Variants in CERS6 observed in about 807,000 individuals in gnomAD.
CERS6 encodes the protein ceramide synthase 6.
CERS6 carries 26 observed loss-of-function variants against 56.8 expected under a neutral mutation model. The observed-to-expected ratio is 0.46, with a 90% CI of 0.34 to 0.63. CERS6 has a LOEUF of 0.63. Among genes scored for constraint, CERS6 ranks in the 30% least tolerant of loss-of-function variants. The pLI, the probability that CERS6 is intolerant of heterozygous loss-of-function variation, is 0.01. For missense variants in CERS6, 415 were observed against 467.5 expected (o/e 0.89, Z 1.04); for synonymous variants, 164 against 173.3 (o/e 0.95, Z 0.42).
At chr2:168,540,252 G>A (rs1695343089) in intron 1 of CERS6, among the ~76,000 whole-genome samples, 1 of 151,904 alleles carries the variant, frequency 6.6e-6, no homozygotes, top group South Asian at 2.1e-4. Flanking sequence ...ATATACAATA[G>A]TGGTCCTATA....
At chr2:168,568,523 T>C (rs984655934) in intron 3 of CERS6, among the ~76,000 whole-genome samples, 3 of 152,228 alleles carry the variant, frequency 2.0e-5, no homozygotes, top group Non-Finnish European at 4.4e-5. Context: ...GGGGAAAGAC[T>C]TCAAAGCATA....
intron 2 of CERS6, among the ~76,000 whole-genome samples, chr2:168,560,709 T>C (rs4667582): frequency 0.4 from 60,855 of 152,124 alleles, 14,800 homozygotes; most frequent in Non-Finnish European, 0.55. Context: ...TGAGGCACTT[T>C]AGGATTTTTT....
intron 4 of CERS6, among the ~76,000 whole-genome samples, chr2:168,670,691 T>C (rs556184433): frequency 1.3e-5 from 2 of 152,316 alleles, no homozygotes; most frequent in South Asian, 4.1e-4. Context: ...ACTACTTCAG[T>C]GATGCCTTCC....
Position 168,741,947 on chromosome 2 carries a change from G to A in CERS6, c.846-23645G>A, listed in dbSNP as rs576150835. ...ATTCATTTCAAAAAATGAGCATGTC[G>A]CTGGCAGCTCCATGGTCATTGAGGT... On this transcript the variant is annotated intron_variant, in intron 8 of 9. Transcript: ENST00000305747. Among the ~76,000 whole-genome samples, 17 of 152,270 alleles carry A rather than the reference G, an allele frequency of 1.1e-4. 1 individual carries two copies. In the South Asian group the frequency reaches 3.1e-3, roughly 28 times the overall value.
chr2:168,477,796 G>T (rs926800238), intron 1 of CERS6, among the ~76,000 whole-genome samples: 2 of 152,178 alleles, frequency 1.3e-5, no homozygotes, highest in Non-Finnish European at 2.9e-5. Flanking sequence ...ACTTGCAAAC[G>T]CTTGCCAATT....
At position 168,769,717 on chromosome 2, in the gene CERS6, T is replaced by A; in HGVS notation, c.*55T>A. 6.4e-7 allele frequency: 1 copy of A among 1,565,808 alleles called. No homozygotes were observed. The highest frequency in any genetic ancestry group is 8.7e-7 in the Non-Finnish European group (1 of 1,151,712). On this transcript the variant is annotated 3_prime_UTR_variant, in exon 10 of 10. Coordinates refer to ENST00000305747, the MANE Select transcript of CERS6 (RefSeq NM_203463.3). ...TGAACTATTTGTTCCTGGAAGTATT[T>A]AATAAGTTGCAAATGCAGTTCCTTT...
chr2:168,731,525 GTATGC>G (rs969478671), intron 8 of CERS6, among the ~76,000 whole-genome samples: 2 of 151,920 alleles, frequency 1.3e-5, no homozygotes, highest in Non-Finnish European at 2.9e-5. Flanking sequence ...TTTATCTTTT[GTATGC>G]TACTGAAGGG....
chr2:168,508,566 A>G (rs750448303), intron 1 of CERS6, among the ~76,000 whole-genome samples: 1 of 152,194 alleles, frequency 6.6e-6, no homozygotes, highest in African/African-American at 2.4e-5. Flanking sequence ...CTATAGGGAC[A>G]TGGATGAAGC....
intron 4 of CERS6, among the ~76,000 whole-genome samples, chr2:168,688,226 G>A (rs1686405196): frequency 6.6e-6 from 1 of 151,986 alleles, no homozygotes; most frequent in Non-Finnish European, 1.5e-5. Flanking sequence ...ATCTTTTTAA[G>A]TTCTTAATTA....
At chr2:168,566,401 T>C (rs982833338) in intron 3 of CERS6, among the ~76,000 whole-genome samples, 21 of 152,336 alleles carry the variant, frequency 1.4e-4, no homozygotes, top group African/African-American at 4.6e-4. Context: ...TGTATGCTTC[T>C]GTATAGTGGC....
At position 168,561,305 on chromosome 2, in the gene CERS6, G is replaced by T. The variant is rs372372722; in HGVS notation, c.390G>T (p.Thr130=). 5 of 1,614,098 alleles carry T rather than the reference G, an allele frequency of 3.1e-6. No homozygotes were observed. The highest frequency in any genetic ancestry group is 4.2e-6 in the Non-Finnish European group (5 of 1,179,978). ...ATCAGGAGAAGCCAAGCACGCTGAC[G>T]AGGTTCTGTGAGAGCATGTAAGTTG... ...RRNQEKPSTL[T]RFCESMWRFS... is the part of the protein sequence containing the mutation. Residue 130 remains threonine (T), a synonymous_variant, in exon 3 of 10, where the codon ACG becomes ACT. Transcript: ENST00000305747.
At chr2:168,684,028 C>A (rs1686284430) in intron 4 of CERS6, among the ~76,000 whole-genome samples, 1 of 152,208 alleles carries the variant, frequency 6.6e-6, no homozygotes. Context: ...CCAAAAAACT[C>A]TTTCTACCTA....
intron 4 of CERS6, among the ~76,000 whole-genome samples, chr2:168,634,337 A>G (rs1283455202): frequency 2.6e-5 from 4 of 152,226 alleles, no homozygotes; most frequent in Non-Finnish European, 5.9e-5. Context: ...CAGTGTACAC[A>G]TACAAATTAA....
At chr2:168,738,527 A>G (rs892536317) in intron 8 of CERS6, among the ~76,000 whole-genome samples, 2 of 152,242 alleles carry the variant, frequency 1.3e-5, no homozygotes, top group African/African-American at 2.4e-5. Context: ...TTAAAACTCT[A>G]TCATACTGTT....
intron 1 of CERS6, among the ~76,000 whole-genome samples, chr2:168,459,897 T>A (rs1035657714): frequency 6.6e-6 from 1 of 152,326 alleles, no homozygotes; most frequent in East Asian, 1.9e-4. Context: ...GCTGAATCTC[T>A]TTAGAAATAA....
chr2:168,558,614 A>T (rs1014737365), intron 2 of CERS6, among the ~76,000 whole-genome samples: 2 of 152,250 alleles, frequency 1.3e-5, no homozygotes, highest in African/African-American at 4.8e-5. Flanking sequence ...TCACGCCTGT[A>T]ATCCCAGCAC....
intron 3 of CERS6, among the ~76,000 whole-genome samples, chr2:168,574,370 TTGTGTGTGTGTGTGTGTGTGTGTGTG>T (rs59913751): frequency 4.7e-5 from 7 of 148,800 alleles, no homozygotes; most frequent in African/African-American, 1.0e-4. Context: ...TCAATAAGTT[TTGTGTGTGTGTGTGTGTGTGTGTGTG>T]TGTGTGTGTG....
chr2:168,594,296 A>G (rs563161011), intron 3 of CERS6, among the ~76,000 whole-genome samples: 52 of 152,306 alleles, frequency 3.4e-4, no homozygotes, highest in African/African-American at 1.2e-3. Flanking sequence ...TACTTGTTAT[A>G]ATGGTTAAAT....
chr2:168,724,300 C>T (rs138267581), intron 8 of CERS6, among the ~76,000 whole-genome samples: 3,944 of 152,166 alleles, frequency 0.026, 172 homozygotes, highest in African/African-American at 0.088. Flanking sequence ...CAGACCTTTA[C>T]GGTGAGTGTT....
Sources: allele counts gnomAD v4.1 joint callset (sites outside exome capture counted in the v4.1 genomes callset), GRCh38; gene constraint gnomAD v4.1.1; transcripts MANE v1.5; gene names NCBI Gene and HGNC (gene_info 2026-07-23, HGNC 2026-07-21).